CALCRL: variants seen among roughly 807,000 people sequenced by gnomAD.
CALCRL encodes calcitonin gene-related peptide type 1 receptor.
In CALCRL, 27 loss-of-function variants were observed where a neutral mutation model predicts 60.4. The ratio of observed to expected loss-of-function variants is 0.45; its 90% CI spans 0.33 to 0.62. The LOEUF is 0.62. Among genes scored for constraint, CALCRL ranks in the 20% least tolerant of loss-of-function variants. The probability of loss-of-function intolerance (pLI) is 0.03; values close to 1 mark genes in which losing one functional copy is unlikely to be tolerated. For missense variants in CALCRL, 424 were observed against 540.7 expected (o/e 0.78, Z 2.14); for synonymous variants, 190 against 182.6 (o/e 1.04, Z -0.33).
At chr2:187,348,794 A>G (rs1397189748) in intron 14 of CALCRL, among the ~76,000 whole-genome samples, 1 of 151,628 alleles carries the variant, frequency 6.6e-6, no homozygotes, top group Non-Finnish European at 1.5e-5. Flanking sequence ...CTCTAATACA[A>G]TATCACACCT....
At chr2:187,387,895 T>C (rs1039722231) in intron 1 of CALCRL, 139 bp from the exon 2 acceptor site, 2 of 357,894 alleles carry the variant, frequency 5.6e-6, no homozygotes, top group Non-Finnish European at 9.9e-6. Context: ...AAAAGCCTCT[T>C]TTGCTTACAA....
In CALCRL at chr2:187,385,570, A is replaced by T. The variant is rs1688171679; in HGVS notation, c.26T>A (p.Phe9Tyr). The T allele has an allele frequency of 6.4e-7, 1 of 1,558,646 alleles. No homozygotes were observed. The highest frequency in any genetic ancestry group is 1.4e-5 in the African/African-American group (1 of 72,886). Reference protein sequence around the residue: MEKKCTLYFLVLLPFFMIL... With the variant: MEKKCTLYYLVLLPFFMIL... ...CATAAAAAAAGGCAAGAGAACCAGAAAATACAGGGTACACTTTTTCTCCAT... is the reference window on the plus strand; with the variant it reads ...CATAAAAAAAGGCAAGAGAACCAGATAATACAGGGTACACTTTTTCTCCAT... Residue 9 changes from phenylalanine (F) to tyrosine (Y), a missense_variant, in exon 4 of 15, where the codon TTT becomes TAT. By Grantham distance (22) the Phe-to-Tyr change is conservative. This residue lies in a region of CALCRL where 108 missense variants were observed against 132.9 expected (regional missense o/e 0.81). Transcript: ENST00000392370.
chr2:187,380,928 G>T, intron 5 of CALCRL, 141 bp from the exon 6 acceptor site: 1 of 431,582 alleles, frequency 2.3e-6, no homozygotes, highest in East Asian at 3.5e-5. Flanking sequence ...TCTATATATA[G>T]AAATTATTTG....
intron 8 of CALCRL, among the ~76,000 whole-genome samples, chr2:187,365,857 A>G (rs2105741383): frequency 6.6e-6 from 1 of 152,360 alleles, no homozygotes; most frequent in Non-Finnish European, 1.5e-5. Context: ...AGTTGATTGC[A>G]TAGAAGAAAA....
At chr2:187,397,566 G>A (rs1262062992) in intron 1 of CALCRL, among the ~76,000 whole-genome samples, 1 of 151,514 alleles carries the variant, frequency 6.6e-6, no homozygotes, top group African/African-American at 2.4e-5. Flanking sequence ...ATAAATTTAA[G>A]GGTTATAAGT....
At chr2:187,383,396 C>G in intron 4 of CALCRL, 91 bp from the exon 5 acceptor site, 2 of 1,069,480 alleles carry the variant, frequency 1.9e-6, no homozygotes, top group Non-Finnish European at 2.6e-6. Context: ...TAGAAAACAG[C>G]AAGTGCGGTG....
chr2:187,434,848 C>T (rs1336325171), intron 1 of CALCRL, among the ~76,000 whole-genome samples: 2 of 151,956 alleles, frequency 1.3e-5, no homozygotes, highest in Non-Finnish European at 2.9e-5. Flanking sequence ...AGCAAGTCTT[C>T]AAAGAATGTA....
intron 8 of CALCRL, among the ~76,000 whole-genome samples, chr2:187,367,170 T>C (rs1687335471): frequency 6.6e-6 from 1 of 152,142 alleles, no homozygotes. Flanking sequence ...GAGTGTTTTA[T>C]ACAATTATTG....
chr2:187,406,364 TG>T (rs1294327392), intron 1 of CALCRL, among the ~76,000 whole-genome samples: 17 of 152,116 alleles, frequency 1.1e-4, no homozygotes, highest in Admixed American at 5.2e-4. Context: ...CTTGAAAAAA[TG>T]GAAGTAAATG....
At chr2:187,385,487 C>A in intron 4 of CALCRL, 58 bp downstream of exon 4, 1 of 835,432 alleles carries the variant, frequency 1.2e-6, no homozygotes, top group South Asian at 1.6e-5. Context: ...TATTCTTTAT[C>A]AATTATAGGT....
intron 12 of CALCRL, 102 bp downstream of exon 12, chr2:187,358,961 C>T (rs1559040984): frequency 1.1e-6 from 1 of 888,580 alleles, no homozygotes; most frequent in African/African-American, 1.6e-5. Flanking sequence ...CATGCATGTC[C>T]ATCTGTGTCC....
intron 12 of CALCRL, among the ~76,000 whole-genome samples, chr2:187,357,824 G>GA (rs1553504653): frequency 2.9e-5 from 1 of 34,334 alleles, no homozygotes; most frequent in Non-Finnish European, 6.1e-5. Context: ...AACAATGAAA[G>GA]AAAAAAAAAG....
chr2:187,426,872 A>G (rs766232158), intron 1 of CALCRL, among the ~76,000 whole-genome samples: 3 of 152,140 alleles, frequency 2.0e-5, no homozygotes, highest in Admixed American at 6.6e-5. Flanking sequence ...ATAGACTTTG[A>G]TATATATTTT....
At chr2:187,404,156 T>G (rs1166987969) in intron 1 of CALCRL, among the ~76,000 whole-genome samples, 1 of 151,684 alleles carries the variant, frequency 6.6e-6, no homozygotes, top group East Asian at 1.9e-4. Flanking sequence ...CCAGGATGTG[T>G]TAAAAAAAAA....
At chr2:187,350,570 T>C (rs1686484178) in intron 14 of CALCRL, among the ~76,000 whole-genome samples, 1 of 150,840 alleles carries the variant, frequency 6.6e-6, no homozygotes, top group Non-Finnish European at 1.5e-5. Context: ...TAAATAAATA[T>C]AGATAAATAA....
chr2:187,445,971 A>G (rs1372041847), intron 1 of CALCRL, among the ~76,000 whole-genome samples: 8 of 151,586 alleles, frequency 5.3e-5, no homozygotes, highest in Non-Finnish European at 8.9e-5. Flanking sequence ...CATATATTAT[A>G]AAAATCTACA....
At chr2:187,444,457 A>G (rs1691074678) in intron 1 of CALCRL, among the ~76,000 whole-genome samples, 1 of 151,618 alleles carries the variant, frequency 6.6e-6, no homozygotes, top group Non-Finnish European at 1.5e-5. Flanking sequence ...TAAACCATGA[A>G]AACATTAAAA....
At chr2:187,370,881 C>A (rs969662072) in intron 8 of CALCRL, among the ~76,000 whole-genome samples, 1 of 152,192 alleles carries the variant, frequency 6.6e-6, no homozygotes, top group Non-Finnish European at 1.5e-5. Flanking sequence ...TCACAACATT[C>A]AGTTGGAGAG....
chr2:187,359,029 A>G (rs367667702), intron 12 of CALCRL, 34 bp downstream of exon 12: 12 of 1,532,014 alleles, frequency 7.8e-6, no homozygotes, highest in Non-Finnish European at 1.1e-5. Flanking sequence ...TTGAAATGTG[A>G]GCAATGATAA....
Sources: allele counts gnomAD v4.1 joint callset (sites outside exome capture counted in the v4.1 genomes callset), GRCh38; gene constraint gnomAD v4.1.1; regional missense constraint gnomAD v4.1.1; transcripts MANE v1.5; gene names NCBI Gene and HGNC (gene_info 2026-07-23, HGNC 2026-07-21).